IQCB1: variants seen among roughly 807,000 people sequenced by gnomAD.
The protein encoded by IQCB1 is IQ calmodulin-binding motif-containing protein 1.
In IQCB1, 56 loss-of-function variants were observed where a neutral mutation model predicts 84.4. The ratio of observed to expected loss-of-function variants is 0.66; its 90% CI spans 0.54 to 0.83. The LOEUF (loss-of-function observed/expected upper bound fraction) is 0.83. IQCB1 is among the 40% of genes least tolerant of loss of function. The pLI is 0.00. For missense variants in IQCB1, 629 were observed against 682.1 expected (o/e 0.92, Z 0.87); for synonymous variants, 210 against 234.8 (o/e 0.89, Z 0.96).
chr3:121,807,113 TGTA>T (rs989052978), intron 7 of IQCB1, among the ~76,000 whole-genome samples: 9 of 147,678 alleles, frequency 6.1e-5, no homozygotes, highest in Non-Finnish European at 1.2e-4. Flanking sequence ...TCCAGTCTTT[TGTA>T]GTATTTTATA....
At chr3:121,797,251 C>A (rs1949235871) in intron 8 of IQCB1, 24 bp from the exon 9 acceptor site, 2 of 1,018,772 alleles carry the variant, frequency 2.0e-6, no homozygotes, top group Middle Eastern at 2.9e-4. Flanking sequence ...GCAAAAGGTA[C>A]AACTATTATT....
chr3:121,815,246 C>G (rs1207700534), intron 5 of IQCB1, among the ~76,000 whole-genome samples: 1 of 152,066 alleles, frequency 6.6e-6, no homozygotes, highest in East Asian at 1.9e-4. Context: ...AACTAGGTAT[C>G]GATGGAACAT....
intron 12 of IQCB1, 132 bp downstream of exon 12, chr3:121,788,152 A>T: frequency 4.4e-6 from 4 of 908,026 alleles, no homozygotes; most frequent in Non-Finnish European, 7.0e-6. Flanking sequence ...TTTCTTTTAC[A>T]AAAGAAAAAA....
chr3:121,822,649 G>T (rs116261827), intron 5 of IQCB1, among the ~76,000 whole-genome samples: 5 of 152,302 alleles, frequency 3.3e-5, no homozygotes, highest in African/African-American at 1.2e-4. Flanking sequence ...TTCCAAGTCA[G>T]ATGGTCTGGG....
intron 2 of IQCB1, among the ~76,000 whole-genome samples, chr3:121,832,063 T>A (rs1438586589): frequency 6.6e-6 from 1 of 152,244 alleles, no homozygotes; most frequent in African/African-American, 2.4e-5. Context: ...ATCTGTTAGA[T>A]GAAAATTGGT....
rs1390761365 is a variant in IQCB1 at position 121,826,000 on chromosome 3, CT to C, written c.393+50del. On this transcript the variant is annotated intron_variant, in intron 5 of 14. Coordinates refer to ENST00000310864, the MANE Select transcript of IQCB1 (RefSeq NM_001023570.4). ...GCACATTTAAAAAATAACAGAACAG[CT>C]TCTTAAGAATTAAACTGATTTAGCT... 2 of 1,499,016 alleles carry C rather than the reference CT, an allele frequency of 1.3e-6. 1 individual carries two copies. Among genetic ancestry groups the C allele is most frequent in the South Asian group, 2.3e-5 (2 of 87,402 alleles). 92.9% of individuals were successfully genotyped at this position (1,499,016 alleles called of 1,614,324 possible).
intron 5 of IQCB1, among the ~76,000 whole-genome samples, chr3:121,812,407 T>C (rs1322215681): frequency 6.6e-6 from 1 of 152,062 alleles, no homozygotes; most frequent in East Asian, 1.9e-4. Flanking sequence ...GGGCAAAAAC[T>C]GGACTGAGAA....
chr3:121,832,789 A>C (rs761243487), intron 2 of IQCB1, among the ~76,000 whole-genome samples: 2 of 152,158 alleles, frequency 1.3e-5, no homozygotes, highest in Non-Finnish European at 2.9e-5. Context: ...TTCTAAAGTA[A>C]GGTATTTTTG....
chr3:121,789,364 T>C (rs1469281857), intron 11 of IQCB1, among the ~76,000 whole-genome samples: 1 of 152,204 alleles, frequency 6.6e-6, no homozygotes, highest in Non-Finnish European at 1.5e-5. Context: ...TAAAAATTTA[T>C]CTTGGGCAAT....
At chr3:121,815,542 A>G (rs910583156) in intron 5 of IQCB1, among the ~76,000 whole-genome samples, 6 of 152,198 alleles carry the variant, frequency 3.9e-5, no homozygotes, top group Admixed American at 2.0e-4. Context: ...TTAAGCTGAT[A>G]AGCAACTTCA....
At chr3:121,815,613 A>T (rs1040466618) in intron 5 of IQCB1, among the ~76,000 whole-genome samples, 2 of 152,204 alleles carry the variant, frequency 1.3e-5, no homozygotes, top group Non-Finnish European at 2.9e-5. Context: ...TACACCAATG[A>T]TAGACAAACA....
chr3:121,833,668 A>C (rs1242807181), intron 2 of IQCB1, among the ~76,000 whole-genome samples: 1 of 152,252 alleles, frequency 6.6e-6, no homozygotes, highest in Non-Finnish European at 1.5e-5. Flanking sequence ...ATACTTAAGA[A>C]TATCAGATAT....
chr3:121,788,362 C>A lies in IQCB1; in HGVS notation c.1200G>T (p.Gly400=), dbSNP rs1948821270. ...SALIIQKHWR[G]YRERKNFHQQ... ...GGTGAAAATTTTTCCTTTCCCTGTA[C>A]CCTCTCCAATGTTTCTGGATAATCA... is the stretch of plus-strand genomic sequence containing the variant. Residue 400 remains glycine, a synonymous_variant, in exon 12 of 15, where the codon GGG becomes GGT. Coordinates refer to ENST00000310864, the MANE Select transcript of IQCB1 (RefSeq NM_001023570.4). 1 of 1,613,510 alleles carries A rather than the reference C, an allele frequency of 6.2e-7. No individual in the cohort carries two copies. Among genetic ancestry groups the A allele is most frequent in the Non-Finnish European group, 8.5e-7 (1 of 1,179,542 alleles).
At chr3:121,783,309 T>TC (rs1948581044) in intron 12 of IQCB1, among the ~76,000 whole-genome samples, 1 of 152,180 alleles carries the variant, frequency 6.6e-6, no homozygotes, top group South Asian at 2.1e-4. Flanking sequence ...GATTTTTTTT[T>TC]CAGATATAGG....
intron 5 of IQCB1, among the ~76,000 whole-genome samples, chr3:121,812,311 G>A (rs1243346943): frequency 6.6e-6 from 1 of 152,206 alleles, no homozygotes; most frequent in Non-Finnish European, 1.5e-5. Context: ...CCATGAAGAT[G>A]AGGAAAAACC....
chr3:121,797,196 A>T lies in IQCB1; in HGVS notation c.798T>A (p.Thr266=). Residue 266 remains threonine (T), a synonymous_variant, in exon 9 of 15, where the codon ACT becomes ACA. Coordinates refer to ENST00000310864, the MANE Select transcript of IQCB1 (RefSeq NM_001023570.4). ...TAAGTTCTTGACTGAATTCAGTCCC[A>T]GTTTCCTGTTTACTTAGTAGACGTC... ...GLRRLLSKQE[T]GTEFSQELRQ... is the part of the protein sequence containing the mutation. The T allele has an allele frequency of 6.2e-7, 1 of 1,607,328 alleles. No individual in the cohort carries two copies. Among genetic ancestry groups the T allele is most frequent in the Non-Finnish European group, 8.5e-7 (1 of 1,174,910 alleles).
In IQCB1 at chr3:121,828,561, G is replaced by A. The variant is rs1295876330; in HGVS notation, c.172C>T (p.Leu58Phe). The change falls in exon 4 of 15, where the codon CTC becomes TTC. Residue 58 changes from leucine to phenylalanine, a missense_variant. Coordinates refer to ENST00000310864, the MANE Select transcript of IQCB1 (RefSeq NM_001023570.4). ...KIKQDIYCYD[L>F]IQYCLLVLSQ... Reference sequence around the variant, plus strand: ...AGGACCAAGAGGCAATATTGAATGAGATCATAACAATATATATCTTGTTTG... The same window carrying A: ...AGGACCAAGAGGCAATATTGAATGAAATCATAACAATATATATCTTGTTTG... 6.2e-7 allele frequency: 1 copy of A among 1,600,658 alleles called. No individual in the cohort carries two copies. Among genetic ancestry groups the A allele is most frequent in the Non-Finnish European group, 8.6e-7 (1 of 1,167,936 alleles).
chr3:121,823,626 A>C (rs1950350646), intron 5 of IQCB1, among the ~76,000 whole-genome samples: 1 of 152,202 alleles, frequency 6.6e-6, no homozygotes, highest in African/African-American at 2.4e-5. Flanking sequence ...ATATTCCTCA[A>C]AAGTGAAGGC....
intron 5 of IQCB1, among the ~76,000 whole-genome samples, chr3:121,811,569 A>T (rs1048695997): frequency 5.9e-5 from 9 of 152,130 alleles, no homozygotes; most frequent in Admixed American, 3.3e-4. Context: ...ACCTGGGACA[A>T]CTGAGCTTGG....
Sources: gnomAD v4.1 joint callset for allele counts (sites outside exome capture counted in the v4.1 genomes callset) on GRCh38, gnomAD v4.1.1 for gene constraint, MANE v1.5 for transcripts, NCBI Gene and HGNC (gene_info 2026-07-23, HGNC 2026-07-21) for gene names.